Variants in SMAD2 observed in about 807,000 individuals in gnomAD.
SMAD2 encodes the protein SMAD family member 2.
Under a neutral mutation model 64.4 loss-of-function variants are expected in SMAD2, and 8 were observed. The ratio of observed to expected loss-of-function variants is 0.12; its 90% CI spans 0.07 to 0.22. The LOEUF is 0.22. Ranked by LOEUF, SMAD2 falls within the 10% of genes least tolerant of loss-of-function variation. The pLI is 1.00. For synonymous variants in SMAD2, 203 were observed against 195.8 expected (o/e 1.04, Z -0.31); for missense variants, 289 against 561.2 (o/e 0.51, Z 4.90).
rs1157661191 is a variant in SMAD2, at chr18:47,819,185, T to C, written c.*22642A>G. ...AGCTGGTTTTAAAATAATTGGTAAATCAAAAATAAGTGTCTTTAAAATTTT... is the reference window on the plus strand; with the variant it reads ...AGCTGGTTTTAAAATAATTGGTAAACCAAAAATAAGTGTCTTTAAAATTTT... On this transcript the variant is annotated 3_prime_UTR_variant, in exon 11 of 11. Transcript: ENST00000262160. 1.3e-5 allele frequency: 2 copies of C among 152,206 alleles called. No individual in the cohort carries two copies. The highest frequency in any genetic ancestry group is 2.9e-5 in the Non-Finnish European group (2 of 68,020). 9.4% of individuals were successfully genotyped at this position (152,206 alleles called of 1,614,324 possible).
In SMAD2 at chr18:47,813,404, ATT is replaced by A. The variant is rs35965895; in HGVS notation, c.*28421_*28422del. 4.5e-3 allele frequency: 513 copies of A among 113,872 alleles called. 4 individuals carry two copies. The highest frequency in any genetic ancestry group is 7.9e-3 in the African/African-American group (241 of 30,360). The allele number at this position is 113,872 out of a possible 1,614,324, so 7.1% of individuals were successfully genotyped here. A position where few individuals can be genotyped will look rare whatever the true frequency, so the allele number is the denominator to read the frequency against. The stretch of plus-strand genomic sequence containing the variant: ...AGGTGCCTGCCACCATGCCCAGCTA[ATT>A]TTTTTTTTTTTTTTTTTTGAGATGG... On this transcript the variant is annotated 3_prime_UTR_variant, in exon 11 of 11. Coordinates refer to ENST00000262160, the MANE Select transcript of SMAD2 (RefSeq NM_005901.6).
At chr18:47,854,245 C>T (rs2030444064) in intron 6 of SMAD2, among the ~76,000 whole-genome samples, 1 of 152,166 alleles carries the variant, frequency 6.6e-6, no homozygotes, top group Non-Finnish European at 1.5e-5. Context: ...TGTCTACTTA[C>T]AGCTAAACCA....
At position 47,822,704 on chromosome 18, in the gene SMAD2, G is replaced by A. The variant is rs564873747; in HGVS notation, c.*19123C>T. 1 of 152,326 alleles carries A rather than the reference G, an allele frequency of 6.6e-6. No homozygotes were observed. The highest frequency in any genetic ancestry group is 2.4e-5 in the African/African-American group (1 of 41,576). The allele number at this position is 152,326 out of a possible 1,614,324, so 9.4% of individuals were successfully genotyped here. A position where few individuals can be genotyped will look rare whatever the true frequency, so the allele number is the denominator to read the frequency against. Reference sequence around the variant, plus strand: ...TTCATTTGTTTTTGTTTTTGAGACGGAGTCTCGCTCTGTTGCCCCAGCTGG... The same window carrying A: ...TTCATTTGTTTTTGTTTTTGAGACGAAGTCTCGCTCTGTTGCCCCAGCTGG... On this transcript the variant is annotated 3_prime_UTR_variant, in exon 11 of 11. Coordinates refer to ENST00000262160, the MANE Select transcript of SMAD2 (RefSeq NM_005901.6).
At position 47,848,633 on chromosome 18, in the gene SMAD2, T is replaced by C. The variant is rs779820262; in HGVS notation, c.839A>G (p.Tyr280Cys). Residue 280 changes from tyrosine (Y) to cysteine (C), a missense_variant, in exon 8 of 11, where the codon TAT becomes TGT. Physicochemically the swap from Tyr to Cys is radical, Grantham distance 194 (BLOSUM62 -2). Around this residue, in one of 6 missense-constraint regions of SMAD2, gnomAD observed 8 missense variants for 54.1 expected, o/e 0.15. Transcript: ENST00000262160. ...EPAFWCSIAYYELNQRVGETF... is the reference protein window; with the variant it reads ...EPAFWCSIAYCELNQRVGETF... ...TTCTCCAACCCTCTGATTTAATTCATAATATGCTATCGAACACCAAAATGC... is the reference window on the plus strand; with the variant it reads ...TTCTCCAACCCTCTGATTTAATTCACAATATGCTATCGAACACCAAAATGC... 6.2e-7 allele frequency: 1 copy of C among 1,613,990 alleles called. No homozygotes were observed.
intron 2 of SMAD2, 75 bp downstream of exon 2, chr18:47,896,441 TGAAAG>T (rs1256512832): frequency 9.5e-6 from 14 of 1,466,740 alleles, no homozygotes; most frequent in Non-Finnish European, 1.3e-5. Context: ...ACAGGCAACT[TGAAAG>T]GAACACAAAT....
At position 47,812,634 on chromosome 18, in the gene SMAD2, C is replaced by T. The variant is rs1351509126; in HGVS notation, c.*29193G>A. On this transcript the variant is annotated 3_prime_UTR_variant, in exon 11 of 11. Transcript: ENST00000262160. ...TAATACAATTACTTCCTTCCCTCAA[C>T]ATGTAGGGATTACAATTCAAGATGA... The T allele has an allele frequency of 6.6e-6, 1 of 152,198 alleles. No individual in the cohort carries two copies. The highest frequency in any genetic ancestry group is 6.5e-5 in the Admixed American group (1 of 15,282). The allele number at this position is 152,198 out of a possible 1,614,324, so 9.4% of individuals were successfully genotyped here.
In SMAD2 at chr18:47,808,959, C is replaced by A. The variant is rs2144218042; in HGVS notation, c.*32868G>T. 6.6e-6 allele frequency: 1 copy of A among 152,364 alleles called. No individual in the cohort carries two copies. Among genetic ancestry groups the A allele is most frequent in the African/African-American group, 2.4e-5 (1 of 41,596 alleles). The allele number at this position is 152,364 out of a possible 1,614,324, so 9.4% of individuals were successfully genotyped here. On this transcript the variant is annotated 3_prime_UTR_variant, in exon 11 of 11. Coordinates refer to ENST00000262160, the MANE Select transcript of SMAD2 (RefSeq NM_005901.6). ...ACAAAGAAAAGCAGTCTCGTTGCTT[C>A]ATTTCCACCTTTATTCTTTATTACC...
At chr18:47,890,310 T>G (rs1178242313) in intron 2 of SMAD2, among the ~76,000 whole-genome samples, 1 of 152,242 alleles carries the variant, frequency 6.6e-6, no homozygotes. Flanking sequence ...TTCATATTTA[T>G]AAAGTTTTAT....
chr18:47,879,658 A>G (rs2032473176), intron 2 of SMAD2, among the ~76,000 whole-genome samples: 1 of 152,172 alleles, frequency 6.6e-6, no homozygotes, highest in Non-Finnish European at 1.5e-5. Context: ...AGTACATATC[A>G]TTATATAGAA....
At chr18:47,866,316 C>CAAAAAAAAAAAAAA (rs34302955) in intron 5 of SMAD2, among the ~76,000 whole-genome samples, 17 of 42,092 alleles carry the variant, frequency 4.0e-4, no homozygotes, top group African/African-American at 1.6e-3. Flanking sequence ...AACACCGTCT[C>CAAAAAAAAAAAAAA]AAAAAAAAAA....
intron 2 of SMAD2, among the ~76,000 whole-genome samples, chr18:47,879,098 G>C (rs2032434001): frequency 6.6e-6 from 1 of 152,182 alleles, no homozygotes; most frequent in Non-Finnish European, 1.5e-5. Flanking sequence ...ACTCCATCTT[G>C]AATGACAGAG....
At chr18:47,844,001 ATAATT>A (rs1416655686) in intron 10 of SMAD2, among the ~76,000 whole-genome samples, 1 of 152,206 alleles carries the variant, frequency 6.6e-6, no homozygotes, top group Non-Finnish European at 1.5e-5. Flanking sequence ...ATTAGACAAT[ATAATT>A]TAAATCTAAT....
intron 2 of SMAD2, among the ~76,000 whole-genome samples, chr18:47,878,668 G>C (rs796125997): frequency 5.9e-5 from 9 of 152,160 alleles, no homozygotes; most frequent in African/African-American, 2.2e-4. Flanking sequence ...AACTTTTGGA[G>C]AGGAATATCT....
At chr18:47,914,414 C>A (rs1006235045) in intron 1 of SMAD2, among the ~76,000 whole-genome samples, 5 of 152,160 alleles carry the variant, frequency 3.3e-5, no homozygotes, top group Non-Finnish European at 7.4e-5. Context: ...TAAGAACCAA[C>A]TGGGGTTAGG....
At chr18:47,924,569 C>A (rs1475113383) in intron 1 of SMAD2, among the ~76,000 whole-genome samples, 1 of 151,826 alleles carries the variant, frequency 6.6e-6, no homozygotes, top group Non-Finnish European at 1.5e-5. Flanking sequence ...TCAAGCAAGT[C>A]TCCTACCTCA....
rs1912427629 is a variant in SMAD2 at position 47,817,946 on chromosome 18, A to G, written c.*23881T>C. ...TCTTAAGAGATTGAGAAGAAACAAA[A>G]TGGAAATTCTCAAACATTAAGGCAT... On this transcript the variant is annotated 3_prime_UTR_variant, in exon 11 of 11. Coordinates refer to ENST00000262160, the MANE Select transcript of SMAD2 (RefSeq NM_005901.6). 1 of 152,354 alleles carries G rather than the reference A, an allele frequency of 6.6e-6. No individual in the cohort carries two copies. Among genetic ancestry groups the G allele is most frequent in the Admixed American group, 6.5e-5 (1 of 15,304 alleles). 9.4% of individuals were successfully genotyped at this position (152,354 alleles called of 1,614,324 possible). A position where few individuals can be genotyped will look rare whatever the true frequency, so the allele number is the denominator to read the frequency against.
intron 1 of SMAD2, among the ~76,000 whole-genome samples, chr18:47,923,179 A>T (rs762959550): frequency 1.7e-4 from 21 of 121,922 alleles, no homozygotes; most frequent in African/African-American, 5.4e-4. Context: ...CCAGATTATT[A>T]AAAAAAAAAA....
chr18:47,925,827 C>T (rs1187409780), intron 1 of SMAD2, among the ~76,000 whole-genome samples: 1 of 152,108 alleles, frequency 6.6e-6, no homozygotes, highest in Non-Finnish European at 1.5e-5. Context: ...GGTAAGGTTA[C>T]AAGAAAGGGG....
At position 47,850,307 on chromosome 18, in the gene SMAD2, G is replaced by GTATGA. The variant is rs1555646212; in HGVS notation, c.784+966_784+967insTCATA. ...ATATATTATGTATAATATATATTAT[G>GTATGA]TATGTTATATACATATTATGTATAA... On this transcript the variant is annotated intron_variant, in intron 7 of 10. Coordinates refer to ENST00000262160, the MANE Select transcript of SMAD2 (RefSeq NM_005901.6). 3.6e-3 allele frequency among the ~76,000 whole-genome samples: 76 copies of GTATGA among 20,994 alleles called. 4 individuals are homozygous for GTATGA. The highest frequency in any genetic ancestry group is 0.018 in the African/African-American group (73 of 4,150). 13.8% of individuals were successfully genotyped at this position (20,994 alleles called of 152,430 possible).
Sources: gnomAD v4.1 joint callset for allele counts (sites outside exome capture counted in the v4.1 genomes callset) on GRCh38, gnomAD v4.1.1 for gene constraint, gnomAD v4.1.1 regional missense constraint, MANE v1.5 for transcripts, NCBI Gene and HGNC (gene_info 2026-07-23, HGNC 2026-07-21) for gene names.